Variants in EBF4 observed in about 807,000 individuals in gnomAD.
EBF4 encodes the protein EBF transcription factor 4.
Under a neutral mutation model 67.1 loss-of-function variants are expected in EBF4, and 34 were observed. The observed-to-expected ratio is 0.51, with a 90% CI of 0.39 to 0.67. The LOEUF is 0.67. EBF4 is among the 30% of genes least tolerant of loss of function. EBF4 has a pLI of 0.00. For synonymous variants in EBF4, 387 were observed against 377.7 expected, an observed-to-expected ratio of 1.02 and a Z score of -0.29; for missense variants, 837 against 873.3, an observed-to-expected ratio of 0.96 and a Z score of 0.52.
intron 6 of EBF4, among the ~76,000 whole-genome samples, chr20:2,711,347 A>C (rs1258390028): frequency 2.6e-5 from 4 of 152,168 alleles, no homozygotes; most frequent in African/African-American, 7.2e-5. Context: ...ATTTATTTAA[A>C]TAGTCAGATA....
intron 6 of EBF4, among the ~76,000 whole-genome samples, chr20:2,717,670 T>A (rs1377682816): frequency 6.6e-6 from 1 of 152,244 alleles, no homozygotes; most frequent in Non-Finnish European, 1.5e-5. Context: ...TTTATTTTTT[T>A]ATGTAGACAG....
At chr20:2,729,505 C>CTTTTTTT (rs1250579973) in intron 6 of EBF4, among the ~76,000 whole-genome samples, 6 of 152,152 alleles carry the variant, frequency 3.9e-5, no homozygotes, top group African/African-American at 1.4e-4. Context: ...GCAAGCAGTC[C>CTTTTTTT]TTTTGAAGCT....
chr20:2,752,074 T>G lies in EBF4; in HGVS notation c.1174-12T>G. 6.9e-7 allele frequency: 1 copy of G among 1,451,732 alleles called. No individual in the cohort carries two copies. The highest frequency in any genetic ancestry group is 9.0e-7 in the Non-Finnish European group (1 of 1,109,278). 89.9% of individuals were successfully genotyped at this position (1,451,732 alleles called of 1,614,324 possible). A position where few individuals can be genotyped will look rare whatever the true frequency, so the allele number is the denominator to read the frequency against. On this transcript the variant is annotated splice_polypyrimidine_tract_variant and intron_variant, in intron 12 of 16. Transcript: ENST00000609451. ...CGGCTGCCCCGGCCGTGCCCCGCTC[T>G]TGTCTTCGCAGGAGCTGCTCCTGAA...
chr20:2,705,934 T>C, intron 2 of EBF4, 40 bp from the exon 3 acceptor site: 2 of 1,542,446 alleles, frequency 1.3e-6, no homozygotes, highest in South Asian at 2.4e-5. Context: ...GGCTGGAGGA[T>C]CCCTGAGCAC....
At chr20:2,724,812 G>A (rs1439029676) in intron 6 of EBF4, among the ~76,000 whole-genome samples, 2 of 152,104 alleles carry the variant, frequency 1.3e-5, no homozygotes, top group Admixed American at 1.3e-4. Context: ...GCTGAGGCAG[G>A]AGAATCATCT....
Position 2,693,809 on chromosome 20 carries a change from G to A in EBF4, c.137+27G>A. On this transcript the variant is annotated intron_variant, in intron 1 of 16. Transcript: ENST00000609451. The surrounding 1 kb of genome is among the most constrained non-coding windows in gnomAD (Gnocchi z 4.6). Reference sequence around the variant, plus strand: ...TAAGCGCTCGGACCGGACCCGGTGCGCTCGGGTTGGACGGCTGCGCGCCGC... The same window carrying A: ...TAAGCGCTCGGACCGGACCCGGTGCACTCGGGTTGGACGGCTGCGCGCCGC... 7.9e-7 allele frequency: 1 copy of A among 1,268,580 alleles called. No individual in the cohort carries two copies. The highest frequency in any genetic ancestry group is 9.9e-7 in the Non-Finnish European group (1 of 1,006,318). 78.6% of individuals were successfully genotyped at this position (1,268,580 alleles called of 1,614,324 possible). A position where few individuals can be genotyped will look rare whatever the true frequency, so the allele number is the denominator to read the frequency against.
rs2087288558 is a variant in EBF4 at position 2,696,350 on chromosome 20, T to C, written c.137+2568T>C. ...AGCTGGGCGTGGTGAAGCATGCTTG[T>C]AGTGCCAGCTACTTGGGAGGCTGAG... On this transcript the variant is annotated intron_variant, in intron 1 of 16. Transcript: ENST00000609451. This position sits in a 1 kb window ranked among gnomAD's most constrained non-coding sequence, Gnocchi z 4.7. 6.6e-6 allele frequency among the ~76,000 whole-genome samples: 1 copy of C among 152,066 alleles called. No homozygotes were observed. The highest frequency in any genetic ancestry group is 6.5e-5 in the Admixed American group (1 of 15,268).
chr20:2,695,330 G>A (rs1361965864), intron 1 of EBF4, among the ~76,000 whole-genome samples: 2 of 152,158 alleles, frequency 1.3e-5, no homozygotes, highest in Non-Finnish European at 2.9e-5. Flanking sequence ...ACGTGAAGGA[G>A]GCAGTGCCCT....
intron 6 of EBF4, among the ~76,000 whole-genome samples, chr20:2,710,280 T>C (rs749183719): frequency 3.3e-5 from 5 of 152,000 alleles, no homozygotes; most frequent in Non-Finnish European, 7.4e-5. Context: ...TCCCAGGTAA[T>C]TGGGACTACA....
chr20:2,693,595 C>A lies in EBF4; in HGVS notation c.-51C>A. ...GGGCTGAGCTAGACGCCCGCAGCCT[C>A]AGCGGGACCGGATCCGGGGCGGCGG... On this transcript the variant is annotated 5_prime_UTR_variant, in exon 1 of 17. Coordinates refer to ENST00000609451, the Ensembl canonical transcript of EBF4. This position sits in a 1 kb window ranked among gnomAD's most constrained non-coding sequence, Gnocchi z 4.6. 1 of 1,348,096 alleles carries A rather than the reference C, an allele frequency of 7.4e-7. No homozygotes were observed. The highest frequency in any genetic ancestry group is 9.5e-7 in the Non-Finnish European group (1 of 1,054,584). 83.5% of individuals were successfully genotyped at this position (1,348,096 alleles called of 1,614,324 possible). A position where few individuals can be genotyped will look rare whatever the true frequency, so the allele number is the denominator to read the frequency against.
intron 6 of EBF4, among the ~76,000 whole-genome samples, chr20:2,732,798 T>C (rs910484532): frequency 1.3e-5 from 2 of 150,252 alleles, no homozygotes; most frequent in Non-Finnish European, 3.0e-5. Flanking sequence ...TGTGTTTTCT[T>C]TTTCTTTTAT....
chr20:2,754,396 C>T (rs2088204885), intron 14 of EBF4, among the ~76,000 whole-genome samples: 1 of 152,190 alleles, frequency 6.6e-6, no homozygotes, highest in Non-Finnish European at 1.5e-5. Context: ...ACACTACCTA[C>T]CCAAGGTACA....
At position 2,693,912 on chromosome 20, in the gene EBF4, G is replaced by C; in HGVS notation, c.137+130G>C. On this transcript the variant is annotated intron_variant, in intron 1 of 16. Coordinates refer to ENST00000609451, the Ensembl canonical transcript of EBF4. The surrounding 1 kb of genome is among the most constrained non-coding windows in gnomAD (Gnocchi z 4.6). ...TCTGGACGGTCCCGGCGAGCTCCCC[G>C]GCCCACCCCGTCCGGAGTGCCTGTG... is the stretch of plus-strand genomic sequence containing the variant. The C allele has an allele frequency of 8.5e-7, 1 of 1,178,640 alleles. No individual in the cohort carries two copies. The highest frequency in any genetic ancestry group is 1.1e-6 in the Non-Finnish European group (1 of 938,126). 73.0% of individuals were successfully genotyped at this position (1,178,640 alleles called of 1,614,324 possible). A position where few individuals can be genotyped will look rare whatever the true frequency, so the allele number is the denominator to read the frequency against.
chr20:2,703,208 G>C (rs2146376645), intron 1 of EBF4, among the ~76,000 whole-genome samples: 2 of 146,314 alleles, frequency 1.4e-5, no homozygotes, highest in Admixed American at 1.4e-4. Context: ...AGTGAGCTGA[G>C]ATCACACCAC....
At chr20:2,694,430 G>A (rs184389820) in intron 1 of EBF4, among the ~76,000 whole-genome samples, 1 of 152,148 alleles carries the variant, frequency 6.6e-6, no homozygotes, top group African/African-American at 2.4e-5. Context: ...CACCCGCGCC[G>A]GTCTCCTCTG....
In EBF4 at chr20:2,706,136, G is replaced by A. The variant is rs2087454587; in HGVS notation, c.359-73G>A. The A allele has an allele frequency of 7.1e-6, 11 of 1,549,690 alleles. No homozygotes were observed. The South Asian group carries it at 1.3e-4, about 18-fold the overall frequency. On this transcript the variant is annotated intron_variant, in intron 3 of 16. Transcript: ENST00000609451. ...GCCCCCTGTGCCAGGGCTGGGGAGG[G>A]TGTGATGTGGTCTGGTCATTGAGGC...
chr20:2,731,619 CG>C (rs973003001), intron 6 of EBF4, among the ~76,000 whole-genome samples: 13 of 152,192 alleles, frequency 8.5e-5, no homozygotes, highest in African/African-American at 3.1e-4. Flanking sequence ...AGCTAGATAA[CG>C]GGGACAGCCA....
chr20:2,700,217 A>G (rs189675859), intron 1 of EBF4, among the ~76,000 whole-genome samples: 261 of 152,158 alleles, frequency 1.7e-3, no homozygotes, highest in African/African-American at 5.8e-3. Flanking sequence ...TGCACCCTCT[A>G]TAGGCTGCTT....
chr20:2,721,375 A>G (rs778232517), intron 6 of EBF4, among the ~76,000 whole-genome samples: 2 of 151,000 alleles, frequency 1.3e-5, no homozygotes, highest in Non-Finnish European at 2.9e-5. Context: ...CATTCCATGC[A>G]ATTTTAAAAA....
Sources: gnomAD v4.1 joint callset for allele counts (sites outside exome capture counted in the v4.1 genomes callset) on GRCh38, gnomAD v4.1.1 for gene constraint, Gnocchi (gnomAD v3.1) non-coding constraint, MANE v1.5 for transcripts, NCBI Gene and HGNC (gene_info 2026-07-23, HGNC 2026-07-21) for gene names.